The following PILRA variants were observed in gnomAD, a reference collection of about 807,000 sequenced individuals.
PILRA encodes paired immunoglobin like type 2 receptor alpha.
In PILRA, 37 loss-of-function variants were observed where a neutral mutation model predicts 33.1. The ratio of observed to expected loss-of-function variants is 1.12; its 90% confidence interval spans 0.86 to 1.47. PILRA has a LOEUF of 1.47. Ranked by LOEUF, PILRA falls within the 40% of genes most tolerant of loss-of-function variation. The pLI is 0.00. For missense variants in PILRA, 312 were observed against 376.2 expected (o/e 0.83, Z 1.41); for synonymous variants, 146 against 149.9 (o/e 0.97, Z 0.19).
intron 3 of PILRA, among the ~76,000 whole-genome samples, chr7:100,390,901 C>A (rs915701425): frequency 6.6e-6 from 1 of 151,900 alleles, no homozygotes; most frequent in Non-Finnish European, 1.5e-5. Flanking sequence ...CCTCAGCTAC[C>A]GTGAGAGACC....
rs538121734 is a variant in PILRA, at chr7:100,393,125, T to C, written c.673+3019T>C. Among the ~76,000 whole-genome samples, 93 of 152,046 alleles carry C rather than the reference T, an allele frequency of 6.1e-4. 1 individual carries two copies. Among genetic ancestry groups the C allele is most frequent in the South Asian group, 1.5e-3 (7 of 4,824 alleles). Reference sequence around the variant, plus strand: ...TGAAACCCCGTCTCTACTAGAAATATAAAAATTAGCTGTGCATGGTGATGC... The same window carrying C: ...TGAAACCCCGTCTCTACTAGAAATACAAAAATTAGCTGTGCATGGTGATGC... On this transcript the variant is annotated intron_variant, in intron 3 of 6. Transcript: ENST00000198536.
chr7:100,397,528 G>A (rs957183768), intron 3 of PILRA, among the ~76,000 whole-genome samples: 11 of 151,912 alleles, frequency 7.2e-5, no homozygotes, highest in African/African-American at 1.7e-4. Flanking sequence ...GAATGGGGGC[G>A]GGGTGCCAAT....
At chr7:100,380,038 C>T (rs1036707453) in intron 2 of PILRA, among the ~76,000 whole-genome samples, 2 of 152,144 alleles carry the variant, frequency 1.3e-5, no homozygotes, top group African/African-American at 2.4e-5. Context: ...TGAAAATCTA[C>T]GTCAGAAGCA....
intron 2 of PILRA, among the ~76,000 whole-genome samples, chr7:100,380,246 A>G (rs147128009): frequency 2.3e-4 from 35 of 152,344 alleles, no homozygotes; most frequent in African/African-American, 7.7e-4. Flanking sequence ...GCCTAAGGCT[A>G]GAGTCCCTAT....
chr7:100,373,349 C>T (rs530711735), upstream of PILRA: 1 of 545,238 alleles, frequency 1.8e-6, no homozygotes, highest in Non-Finnish European at 3.3e-6. Flanking sequence ...CAGGCCCAGC[C>T]CCCCAAGGTC....
chr7:100,398,528 T>C (rs1791547154), intron 4 of PILRA, among the ~76,000 whole-genome samples: 1 of 152,216 alleles, frequency 6.6e-6, no homozygotes, highest in East Asian at 1.9e-4. Context: ...GCCTCACCCC[T>C]ACCCTTTCTC....
chr7:100,392,813 A>G (rs938889495), intron 3 of PILRA, among the ~76,000 whole-genome samples: 5 of 152,214 alleles, frequency 3.3e-5, no homozygotes, highest in Admixed American at 1.3e-4. Flanking sequence ...CATCTGAGAA[A>G]AAATAACATT....
At chr7:100,382,812 TTCAC>T (rs1309002514) in intron 2 of PILRA, among the ~76,000 whole-genome samples, 53 of 152,294 alleles carry the variant, frequency 3.5e-4, no homozygotes, top group African/African-American at 1.2e-3. Flanking sequence ...GGTTTGTAGC[TTCAC>T]TCTGGAAGCC....
At chr7:100,377,231 C>CTTTTTTTTTTTTTTTTTTT (rs761225046) in intron 2 of PILRA, among the ~76,000 whole-genome samples, 2 of 100,940 alleles carry the variant, frequency 2.0e-5, no homozygotes, top group Admixed American at 1.1e-4. Context: ...TTTTCTATTT[C>CTTTTTTTTTTTTTTTTTTT]TTTTTTTTTT....
In PILRA at chr7:100,373,616, G is replaced by C. The variant is rs779865804; in HGVS notation, c.-41G>C. 5 of 1,611,848 alleles carry C rather than the reference G, an allele frequency of 3.1e-6. No individual in the cohort carries two copies. The highest frequency in any genetic ancestry group is 4.2e-6 in the Non-Finnish European group (5 of 1,179,112). ...CACAGGGCCCCTCTCCTGCCTGGAC[G>C]GCTCTGCTGGTCTCCCCGTCCCCTG... On this transcript the variant is annotated 5_prime_UTR_variant, in exon 1 of 7. Coordinates refer to ENST00000198536, the MANE Select transcript of PILRA (RefSeq NM_013439.3).
intron 2 of PILRA, among the ~76,000 whole-genome samples, chr7:100,380,743 A>G (rs975667460): frequency 3.9e-5 from 6 of 152,090 alleles, no homozygotes; most frequent in Non-Finnish European, 8.8e-5. Flanking sequence ...AGGCGGGCGG[A>G]TCACTTGAAG....
chr7:100,396,032 G>A lies in PILRA; in HGVS notation c.674-1847G>A, dbSNP rs149984163. Among the ~76,000 whole-genome samples the A allele has an allele frequency of 5.1e-4, 77 of 152,252 alleles. 3 individuals are homozygous for A. The East Asian group carries it at 0.015, about 29-fold the overall frequency. The stretch of plus-strand genomic sequence containing the variant: ...CCAGCTACTCAGGAGGCTGAGGCAG[G>A]AGAATCACTTGAACCCGGGAGGCAG... On this transcript the variant is annotated intron_variant, in intron 3 of 6. Transcript: ENST00000198536.
intron 2 of PILRA, among the ~76,000 whole-genome samples, chr7:100,384,903 TC>T (rs1184196894): frequency 6.6e-6 from 1 of 151,884 alleles, no homozygotes; most frequent in African/African-American, 2.4e-5. Flanking sequence ...TGAAGAGAAA[TC>T]AACAGAGACG....
intron 2 of PILRA, among the ~76,000 whole-genome samples, chr7:100,386,860 G>C (rs745769504): frequency 2.7e-5 from 4 of 150,832 alleles, no homozygotes; most frequent in Non-Finnish European, 5.9e-5. Context: ...AAAAACTTTT[G>C]AATGGATATT....
At chr7:100,399,556 G>A in intron 5 of PILRA, 25 bp from the exon 6 acceptor site, 1 of 1,613,884 alleles carries the variant, frequency 6.2e-7, no homozygotes, top group Non-Finnish European at 8.5e-7. Context: ...ACCTGACCTT[G>A]GCACACCTTG....
intron 4 of PILRA, among the ~76,000 whole-genome samples, chr7:100,398,598 C>G (rs1313440826): frequency 3.3e-5 from 5 of 152,170 alleles, no homozygotes; most frequent in Non-Finnish European, 7.4e-5. Context: ...ATCCATTCAC[C>G]CAGCCTGAAC....
chr7:100,371,679 A>C (rs534927503), upstream of PILRA, among the ~76,000 whole-genome samples: 3 of 152,308 alleles, frequency 2.0e-5, no homozygotes, highest in East Asian at 3.9e-4. Flanking sequence ...GGCTCTGCCC[A>C]CATTGGAATC....
intron 2 of PILRA, chr7:100,376,350 C>T (rs1790946591): frequency 6.6e-6 from 1 of 152,008 alleles, no homozygotes; most frequent in South Asian, 2.1e-4. Context: ...TTGCTTTTCT[C>T]ACCTCTCTGC....
chr7:100,375,599 G>A (rs1790925295), intron 2 of PILRA, among the ~76,000 whole-genome samples: 1 of 152,194 alleles, frequency 6.6e-6, no homozygotes, highest in Non-Finnish European at 1.5e-5. Flanking sequence ...AGGTGTGGTG[G>A]CGCATGCCTG....
Sources: gnomAD v4.1 joint callset for allele counts (sites outside exome capture counted in the v4.1 genomes callset) on GRCh38, gnomAD v4.1.1 for gene constraint, MANE v1.5 for transcripts, NCBI Gene and HGNC (gene_info 2026-07-23, HGNC 2026-07-21) for gene names.